Variants in WIPF3 observed in about 807,000 individuals in gnomAD.
WIPF3 encodes the protein WAS/WASL-interacting protein family member 3.
A neutral mutation model predicts 38.9 loss-of-function variants in WIPF3; 33 were observed. That is an observed-to-expected ratio of 0.85 (90% CI 0.64 to 1.14). WIPF3 has a LOEUF of 1.14. Among genes scored for constraint, WIPF3 ranks in the 50% most tolerant of loss-of-function variants. The probability of loss-of-function intolerance (pLI) is 0.00; values close to 1 mark genes in which losing one functional copy is unlikely to be tolerated. For missense variants in WIPF3, 711 were observed against 652.5 expected (o/e 1.09, Z -0.98); for synonymous variants, 324 against 269.3 (o/e 1.20, Z -1.99).
In WIPF3 at chr7:29,878,961, C is replaced by T; in HGVS notation, c.224-48C>T. ...CATGGTCTGAAATGAGACCTGGCTG[C>T]TCAGCTCTGCTCTCAAGTCCTTGCC... is the stretch of plus-strand genomic sequence containing the variant. On this transcript the variant is annotated intron_variant, in intron 3 of 8. Transcript: ENST00000242140. The surrounding 1 kb of genome is among the most constrained non-coding windows in gnomAD (Gnocchi z 4.0). The T allele has an allele frequency of 1.9e-6, 3 of 1,553,988 alleles. No homozygotes were observed. Among genetic ancestry groups the T allele is most frequent in the South Asian group, 1.2e-5 (1 of 85,034 alleles).
At chr7:29,874,150 C>A (rs1228986462) in intron 2 of WIPF3, among the ~76,000 whole-genome samples, 1 of 151,966 alleles carries the variant, frequency 6.6e-6, no homozygotes, top group East Asian at 2.0e-4. Context: ...ATAGTGTATG[C>A]CTCTCTGCTT....
intron 1 of WIPF3, among the ~76,000 whole-genome samples, chr7:29,820,429 T>G (rs187293591): frequency 3.3e-5 from 5 of 152,280 alleles, no homozygotes; most frequent in African/African-American, 1.2e-4. Context: ...GTTATTATTT[T>G]TGTTATGTGT....
At chr7:29,831,009 G>A (rs957548298) in intron 1 of WIPF3, among the ~76,000 whole-genome samples, 5 of 152,200 alleles carry the variant, frequency 3.3e-5, no homozygotes, top group Non-Finnish European at 5.9e-5. Flanking sequence ...GTGAAAAACT[G>A]TAGACACTGA....
At chr7:29,818,504 T>G (rs1784490367) in intron 1 of WIPF3, among the ~76,000 whole-genome samples, 1 of 148,532 alleles carries the variant, frequency 6.7e-6, no homozygotes. Context: ...ATTAAATTAT[T>G]TGATTTAATT....
chr7:29,843,429 T>C (rs1413992580), intron 2 of WIPF3, among the ~76,000 whole-genome samples: 1 of 152,124 alleles, frequency 6.6e-6, no homozygotes, highest in Non-Finnish European at 1.5e-5. Context: ...TTTGTTGAGT[T>C]TCATAGGAGC....
At chr7:29,829,757 C>T (rs797006538) in intron 1 of WIPF3, among the ~76,000 whole-genome samples, 5 of 152,292 alleles carry the variant, frequency 3.3e-5, no homozygotes, top group African/African-American at 1.2e-4. Flanking sequence ...AACCTGGGGC[C>T]GCCTGGTTCT....
Position 29,884,133 on chromosome 7 carries a change from G to A in WIPF3, c.639G>A (p.Pro213=), listed in dbSNP as rs1295569703. The A allele has an allele frequency of 3.2e-5, 49 of 1,513,850 alleles. No homozygotes were observed. Among genetic ancestry groups the A allele is most frequent in the Non-Finnish European group, 3.5e-5 (40 of 1,128,236 alleles). The allele number at this position is 1,513,850 out of a possible 1,614,324, so 93.8% of individuals were successfully genotyped here. A position where few individuals can be genotyped will look rare whatever the true frequency, so the allele number is the denominator to read the frequency against. The change falls in exon 5 of 9, where the codon CCG becomes CCA. Residue 213 remains proline, a synonymous_variant. Coordinates refer to ENST00000242140, the MANE Select transcript of WIPF3 (RefSeq NM_001080529.3). The stretch of plus-strand genomic sequence containing the variant: ...GCCCACTGACCAAAGGGAACCTCCC[G>A]GTGGTTGCACCCCCCGTCCCCTGTG... ...PPGPLTKGNL[P]VVAPPVPCAP...
At chr7:29,882,553 G>A (rs1785742029) in intron 4 of WIPF3, among the ~76,000 whole-genome samples, 1 of 152,180 alleles carries the variant, frequency 6.6e-6, no homozygotes, top group South Asian at 2.1e-4. Flanking sequence ...TGCCTACTTA[G>A]CTTCACCTGA....
chr7:29,835,061 C>T (rs1176671368), intron 2 of WIPF3, among the ~76,000 whole-genome samples: 2 of 151,920 alleles, frequency 1.3e-5, no homozygotes, highest in African/African-American at 4.8e-5. Context: ...CCTCATTTCT[C>T]TTCTCATTCC....
chr7:29,826,159 A>G (rs1421692926), intron 1 of WIPF3, among the ~76,000 whole-genome samples: 1 of 152,130 alleles, frequency 6.6e-6, no homozygotes, highest in Admixed American at 6.6e-5. Flanking sequence ...GATGTTCCAG[A>G]GCAGGGTTCT....
chr7:29,879,813 A>G (rs1158251092), intron 4 of WIPF3, among the ~76,000 whole-genome samples: 1 of 152,198 alleles, frequency 6.6e-6, no homozygotes, highest in Non-Finnish European at 1.5e-5. Flanking sequence ...TTTTCATGCC[A>G]GCAGCAGGGT....
At position 29,813,075 on chromosome 7, in the gene WIPF3, G is replaced by A. The variant is rs528156327; in HGVS notation, c.-58+6397G>A. Among the ~76,000 whole-genome samples, 19 of 152,242 alleles carry A rather than the reference G, an allele frequency of 1.2e-4. No individual in the cohort carries two copies. The East Asian group carries it at 1.7e-3, about 14-fold the overall frequency. On this transcript the variant is annotated intron_variant, in intron 1 of 8. Coordinates refer to ENST00000242140, the MANE Select transcript of WIPF3 (RefSeq NM_001080529.3). ...CGCTTCCCACTCTCTCCTCCGTCTC[G>A]TTTAACACTACATTGTCTTGACCAC...
At position 29,888,066 on chromosome 7, in the gene WIPF3, A is replaced by G; in HGVS notation, c.1100-2A>G. The G allele has an allele frequency of 1.2e-6, 2 of 1,613,882 alleles. No individual in the cohort carries two copies. Among genetic ancestry groups the G allele is most frequent in the Non-Finnish European group, 1.7e-6 (2 of 1,179,804 alleles). On this transcript the variant is annotated splice_acceptor_variant, in intron 5 of 8. Transcript: ENST00000242140. LOFTEE classifies it high-confidence loss of function. ...TGAGTACACCATCATCTTCTCTGTA[A>G]GGGGCCGGTGGGGGAAAGCTAAATC... is the stretch of plus-strand genomic sequence containing the variant.
At chr7:29,841,639 C>A (rs895379942) in intron 2 of WIPF3, among the ~76,000 whole-genome samples, 1 of 152,042 alleles carries the variant, frequency 6.6e-6, no homozygotes, top group African/African-American at 2.4e-5. Flanking sequence ...GGTGAAACCC[C>A]ATCTCTACTA....
intron 7 of WIPF3, among the ~76,000 whole-genome samples, chr7:29,898,728 T>C (rs1786210841): frequency 6.6e-6 from 1 of 152,228 alleles, no homozygotes; most frequent in Admixed American, 6.5e-5. Context: ...TGAGTGATGA[T>C]AACCACTTTT....
At position 29,883,976 on chromosome 7, in the gene WIPF3, C is replaced by G. The variant is rs1247044239; in HGVS notation, c.482C>G (p.Ala161Gly). The change falls in exon 5 of 9, where the codon GCT becomes GGT. Residue 161 changes from alanine (A) to glycine (G), a missense_variant. By Grantham distance (60) the Ala-to-Gly change is moderately conservative. Transcript: ENST00000242140. The part of the protein sequence containing the change: ...RLGNTSEAHG[A>G]ARTAPPRPNV... Reference sequence around the variant, plus strand: ...GGCAATACCTCCGAGGCGCATGGCGCTGCCAGGACAGCCCCGCCTCGCCCC... The same window carrying G: ...GGCAATACCTCCGAGGCGCATGGCGGTGCCAGGACAGCCCCGCCTCGCCCC... The G allele has an allele frequency of 1.9e-6, 3 of 1,541,780 alleles. No individual in the cohort carries two copies. Among genetic ancestry groups the G allele is most frequent in the Admixed American group, 4.0e-5 (2 of 50,610 alleles).
rs535051608 is a variant in WIPF3, at chr7:29,845,000, A to G, written c.90+10186A>G. On this transcript the variant is annotated intron_variant, in intron 2 of 8. Transcript: ENST00000242140. This position sits in a 1 kb window ranked among gnomAD's most constrained non-coding sequence, Gnocchi z 4.8. The stretch of plus-strand genomic sequence containing the variant: ...GGCCAGAGCTTCCACATTTCCTCCA[A>G]GCTGCCTCCTGAGATTGCTGTTTTC... 2.0e-5 allele frequency among the ~76,000 whole-genome samples: 3 copies of G among 150,346 alleles called. No homozygotes were observed. The East Asian group carries it at 5.8e-4, about 29-fold the overall frequency.
At chr7:29,821,992 C>A (rs1295209814) in intron 1 of WIPF3, among the ~76,000 whole-genome samples, 1 of 152,030 alleles carries the variant, frequency 6.6e-6, no homozygotes, top group African/African-American at 2.4e-5. Context: ...TTAATTATTT[C>A]ATTAAATCCT....
rs146931332 is a variant in WIPF3, at chr7:29,851,224, G to T, written c.90+16410G>T. On this transcript the variant is annotated intron_variant, in intron 2 of 8. Transcript: ENST00000242140. ...TCAGGAGGGTGCTGAGACTGGAGGT[G>T]GGGGACGGAGATTGAACCCCCCTTT... 2.8e-3 allele frequency among the ~76,000 whole-genome samples: 425 copies of T among 152,296 alleles called. 2 individuals carry two copies. The highest frequency in any genetic ancestry group is 8.4e-3 in the Admixed American group (129 of 15,304).
Sources: gnomAD v4.1 joint callset for allele counts (sites outside exome capture counted in the v4.1 genomes callset) on GRCh38, gnomAD v4.1.1 for gene constraint, Gnocchi (gnomAD v3.1) non-coding constraint, MANE v1.5 for transcripts, NCBI Gene and HGNC (gene_info 2026-07-23, HGNC 2026-07-21) for gene names.